Variants in CR1 observed in about 807,000 individuals in gnomAD.
The protein encoded by CR1 is complement receptor type 1.
In CR1, 116 loss-of-function variants were observed where a neutral mutation model predicts 187.3. The ratio of observed to expected loss-of-function variants is 0.62; its 90% CI spans 0.53 to 0.72. CR1 has a LOEUF of 0.72. Ranked by LOEUF, CR1 falls within the 30% of genes least tolerant of loss-of-function variation. The pLI, the probability that CR1 is intolerant of heterozygous loss-of-function variation, is 0.00. For missense variants in CR1, 1,731 were observed against 2,110.7 expected, an observed-to-expected ratio of 0.82 and a Z score of 3.52; for synonymous variants, 576 against 747.1, an observed-to-expected ratio of 0.77 and a Z score of 3.73.
intron 46 of CR1, among the ~76,000 whole-genome samples, chr1:207,633,315 A>C (rs1662708118): frequency 6.6e-6 from 1 of 152,248 alleles, no homozygotes; most frequent in South Asian, 2.1e-4. Flanking sequence ...AATAGGGGAA[A>C]ATATAAAAAA....
rs537491856 is a variant in CR1 at position 207,565,604 on chromosome 1, C to T, written c.3867-234C>T. ...CAAGGGGATGGCGCCTATGTCATGACCACCTTTTTCAATTCAAGCAGGACT... is the reference window on the plus strand; with the variant it reads ...CAAGGGGATGGCGCCTATGTCATGATCACCTTTTTCAATTCAAGCAGGACT... On this transcript the variant is annotated intron_variant, in intron 23 of 46. Transcript: ENST00000367049. 1.3e-3 allele frequency among the ~76,000 whole-genome samples: 201 copies of T among 150,216 alleles called. 22 individuals carry two copies. Among genetic ancestry groups the T allele is most frequent in the African/African-American group, 4.6e-3 (184 of 39,670 alleles).
chr1:207,585,776 G>C (rs945771356), intron 33 of CR1, among the ~76,000 whole-genome samples: 10 of 152,104 alleles, frequency 6.6e-5, no homozygotes, highest in East Asian at 3.9e-4. Flanking sequence ...CCCAGTGCAG[G>C]CTTAATGAAC....
At chr1:207,574,259 G>C (rs1030303987) in intron 27 of CR1, among the ~76,000 whole-genome samples, 4 of 152,078 alleles carry the variant, frequency 2.6e-5, no homozygotes, top group Admixed American at 1.3e-4. Context: ...TGTGTTTCAG[G>C]GATAGAGAAA....
intron 34 of CR1, among the ~76,000 whole-genome samples, chr1:207,588,118 G>A (rs1661165965): frequency 6.6e-6 from 1 of 152,150 alleles, no homozygotes; most frequent in Middle Eastern, 3.2e-3. Flanking sequence ...CAACACTTTA[G>A]CCATAAATGA....
chr1:207,581,778 T>G, intron 31 of CR1, 140 bp from the exon 32 acceptor site: 2 of 511,564 alleles, frequency 3.9e-6, no homozygotes, highest in Non-Finnish European at 7.1e-6. Context: ...ACTAAGTGAG[T>G]TGAGTGTTTT....
At chr1:207,630,806 G>T (rs1393835169) in intron 46 of CR1, among the ~76,000 whole-genome samples, 185 bp downstream of exon 46, 1 of 151,992 alleles carries the variant, frequency 6.6e-6, no homozygotes, top group African/African-American at 2.4e-5. Context: ...ATGTTTTGGG[G>T]TGATGACTCT....
At chr1:207,591,363 C>CT (rs1661266486) in intron 35 of CR1, among the ~76,000 whole-genome samples, 1 of 152,048 alleles carries the variant, frequency 6.6e-6, no homozygotes, top group Non-Finnish European at 1.5e-5. Context: ...GGGTAAATAA[C>CT]GAAATGAAAG....
rs550955789 is a variant in CR1, at chr1:207,575,587, G to A, written c.4452-8G>A. On this transcript the variant is annotated splice_polypyrimidine_tract_variant and splice_region_variant and intron_variant, in intron 27 of 46. Coordinates refer to ENST00000367049, the MANE Select transcript of CR1 (RefSeq NM_000651.6). ...ACAGGACAATGATTTTCCATTTTTT[G>A]CCTTTAGGCACCGACTCATTGGTCA... 159 of 1,611,444 alleles carry A rather than the reference G, an allele frequency of 9.9e-5. No individual in the cohort carries two copies. In the South Asian group the frequency reaches 1.5e-3, roughly 16 times the overall value.
chr1:207,538,093 CAT>C (rs147854730), intron 11 of CR1, among the ~76,000 whole-genome samples: 112 of 16,006 alleles, frequency 7.0e-3, no homozygotes, highest in Non-Finnish European at 8.2e-3. Flanking sequence ...TGATCTATAT[CAT>C]ATATATATAT....
intron 30 of CR1, 38 bp downstream of exon 30, chr1:207,580,454 C>A: frequency 6.2e-7 from 1 of 1,608,896 alleles, no homozygotes; most frequent in African/African-American, 1.3e-5. Flanking sequence ...TCTCTCTTTA[C>A]CCCACACATG....
chr1:207,632,754 C>G (rs964239498), intron 46 of CR1, among the ~76,000 whole-genome samples: 13 of 141,744 alleles, frequency 9.2e-5, no homozygotes, highest in Admixed American at 1.5e-4. Context: ...GCCGAGATCG[C>G]GCCACTGTAC....
chr1:207,579,349 C>A (rs1476016867), intron 29 of CR1, among the ~76,000 whole-genome samples: 2 of 152,148 alleles, frequency 1.3e-5, no homozygotes, highest in African/African-American at 2.4e-5. Flanking sequence ...CTTGTGCAAC[C>A]ACTGAGCTGG....
intron 4 of CR1, among the ~76,000 whole-genome samples, chr1:207,521,854 A>T (rs536888098): frequency 2.1e-5 from 3 of 146,066 alleles, no homozygotes; most frequent in Admixed American, 1.4e-4. Flanking sequence ...TTTTTTGTCG[A>T]GACAGGGTTT....
At chr1:207,581,268 A>G (rs956275445) in intron 31 of CR1, among the ~76,000 whole-genome samples, 4 of 140,128 alleles carry the variant, frequency 2.9e-5, no homozygotes, top group African/African-American at 1.1e-4. Context: ...GTAGACGTAT[A>G]CATATGGACA....
intron 4 of CR1, 80 bp from the exon 5 acceptor site, chr1:207,523,531 C>T: frequency 1.3e-6 from 2 of 1,580,616 alleles, no homozygotes. Context: ...GTAAAAATAG[C>T]TATAGTTTAG....
At chr1:207,592,719 C>G (rs918299008) in intron 35 of CR1, among the ~76,000 whole-genome samples, 8 of 152,082 alleles carry the variant, frequency 5.3e-5, no homozygotes, top group Admixed American at 2.6e-4. Flanking sequence ...TTAAAATATC[C>G]GTAATCTGAT....
rs994302519 is a variant in CR1 at position 207,640,924 on chromosome 1, G to C, written c.*1515G>C. The C allele has an allele frequency of 6.6e-6, 1 of 152,080 alleles. No homozygotes were observed. Among genetic ancestry groups the C allele is most frequent in the Non-Finnish European group, 1.5e-5 (1 of 67,998 alleles). The allele number at this position is 152,080 out of a possible 1,614,324, so 9.4% of individuals were successfully genotyped here. A position where few individuals can be genotyped will look rare whatever the true frequency, so the allele number is the denominator to read the frequency against. ...CATGGAAGAGAGGGAAAAAAAACCA[G>C]CTTAAGAAAAATCAACTGATAAACT... On this transcript the variant is annotated 3_prime_UTR_variant, in exon 47 of 47. Transcript: ENST00000367049.
At chr1:207,515,091 G>GCA (rs2102294171) in intron 4 of CR1, among the ~76,000 whole-genome samples, 1 of 142,910 alleles carries the variant, frequency 7.0e-6, no homozygotes, top group Admixed American at 7.1e-5. Context: ...ATACGTGTAT[G>GCA]TATATGTGTA....
chr1:207,603,274 A>C (rs1661657179), intron 35 of CR1, among the ~76,000 whole-genome samples: 1 of 152,160 alleles, frequency 6.6e-6, no homozygotes, highest in Non-Finnish European at 1.5e-5. Flanking sequence ...CAACTATTTT[A>C]GATTTCACAT....
Sources: gnomAD v4.1 joint callset for allele counts (sites outside exome capture counted in the v4.1 genomes callset) on GRCh38, gnomAD v4.1.1 for gene constraint, MANE v1.5 for transcripts, NCBI Gene and HGNC (gene_info 2026-07-23, HGNC 2026-07-21) for gene names.